The following PCDH11Y variants were observed in gnomAD, a reference collection of about 807,000 sequenced individuals.
PCDH11Y encodes the protein protocadherin-11 Y-linked.
For synonymous variants in PCDH11Y, 9 were observed against 83.6 expected, an observed-to-expected ratio of 0.11 and a Z score of 4.87; for missense variants, 12 against 224.8, an observed-to-expected ratio of 0.05 and a Z score of 6.05.
intron 2 of PCDH11Y, among the ~76,000 whole-genome samples, chrY:5,456,040 G>C: frequency 3.0e-5 from 1 of 33,601 alleles, no homozygotes; most frequent in South Asian, 6.6e-4. Context: ...TAGAATGGGA[G>C]AAAATATTCA....
intron 4 of PCDH11Y, among the ~76,000 whole-genome samples, chrY:5,669,276 T>C: frequency 3.1e-5 from 1 of 32,420 alleles, no homozygotes; most frequent in Admixed American, 2.9e-4. Context: ...TCTTCCTATC[T>C]AGTTGTAATT....
At chrY:5,021,698 A>G in intron 1 of PCDH11Y, among the ~76,000 whole-genome samples, 5 of 32,156 alleles carry the variant, frequency 1.6e-4, no homozygotes, top group Non-Finnish European at 3.0e-4. Context: ...TCTGTTTTCT[A>G]CTTCCATTCT....
intron 1 of PCDH11Y, among the ~76,000 whole-genome samples, chrY:5,078,303 A>T: frequency 3.0e-5 from 1 of 33,098 alleles, no homozygotes; most frequent in African/African-American, 1.2e-4. Flanking sequence ...CATCTTTGCT[A>T]TTGTGAATAG....
intron 2 of PCDH11Y, among the ~76,000 whole-genome samples, chrY:5,416,707 A>G: frequency 3.2e-5 from 1 of 31,725 alleles, no homozygotes; most frequent in South Asian, 7.3e-4. Flanking sequence ...ATGCTCTAAG[A>G]TCATTTTCTG....
At chrY:5,418,850 T>A in intron 2 of PCDH11Y, among the ~76,000 whole-genome samples, 1 of 33,266 alleles carries the variant, frequency 3.0e-5, no homozygotes, top group African/African-American at 1.2e-4. Context: ...AGTCTTAGGA[T>A]AATATATTGT....
intron 2 of PCDH11Y, among the ~76,000 whole-genome samples, chrY:5,433,250 A>G: frequency 3.0e-5 from 1 of 33,602 alleles, no homozygotes; most frequent in Non-Finnish European, 7.4e-5. Flanking sequence ...TCACTATCAA[A>G]ATGTTTTGTG....
intron 2 of PCDH11Y, among the ~76,000 whole-genome samples, chrY:5,211,968 T>A (rs1372232340): frequency 6.0e-5 from 2 of 33,482 alleles, no homozygotes. Flanking sequence ...TCAAATAACA[T>A]TAAATTGGGT....
intron 3 of PCDH11Y, among the ~76,000 whole-genome samples, chrY:5,559,511 C>G: frequency 3.1e-5 from 1 of 32,591 alleles, no homozygotes; most frequent in Non-Finnish European, 7.5e-5. Context: ...GTGTCCCAAC[C>G]CAAATCTCAT....
rs1602911520 is a variant in PCDH11Y, at chrY:5,361,843, T to C, written c.3130-139214T>C. Among the ~76,000 whole-genome samples the C allele has an allele frequency of 8.8e-4, 29 of 32,986 alleles. No individual in the cohort carries two copies. In the East Asian group the frequency reaches 0.023, roughly 26 times the overall value. 88.5% of individuals were successfully genotyped at this position (32,986 alleles called of 37,273 possible). ...TATTATAAAATAAACTTGGTTGATT[T>C]CTGTTAACCTATAGAATAATGGAAA... is the stretch of plus-strand genomic sequence containing the variant. On this transcript the variant is annotated intron_variant, in intron 2 of 4. Coordinates refer to the PCDH11Y transcript ENST00000400457.
At chrY:5,252,015 A>G (rs2053004759) in intron 2 of PCDH11Y, among the ~76,000 whole-genome samples, 1 of 32,398 alleles carries the variant, frequency 3.1e-5, no homozygotes, top group Admixed American at 2.9e-4. Flanking sequence ...AGGATAGGAC[A>G]TATGCAGAAC....
chrY:5,554,570 C>A (rs2053421913), intron 3 of PCDH11Y, among the ~76,000 whole-genome samples: 1 of 33,287 alleles, frequency 3.0e-5, no homozygotes, highest in Admixed American at 2.7e-4. Context: ...GGGCCAGGCC[C>A]AGGGTTCCCA....
chrY:5,414,706 C>T, intron 2 of PCDH11Y, among the ~76,000 whole-genome samples: 6 of 33,122 alleles, frequency 1.8e-4, no homozygotes, highest in African/African-American at 5.9e-4. Flanking sequence ...GATTTTTCTT[C>T]AATCCTTTCC....
intron 4 of PCDH11Y, among the ~76,000 whole-genome samples, chrY:5,674,241 C>T (rs2053551877): frequency 1.1e-3 from 38 of 33,456 alleles, no homozygotes; most frequent in South Asian, 9.1e-3. Flanking sequence ...AGCAGGGTTT[C>T]GCGATGTGTA....
chrY:5,328,220 G>A, intron 2 of PCDH11Y, among the ~76,000 whole-genome samples: 6 of 33,860 alleles, frequency 1.8e-4, no homozygotes, highest in African/African-American at 7.0e-4. Context: ...CCTTGGCCCA[G>A]TGGCCAGATT....
chrY:5,487,238 C>T (rs1388554536), intron 2 of PCDH11Y, among the ~76,000 whole-genome samples: 2 of 30,352 alleles, frequency 6.6e-5, no homozygotes, highest in African/African-American at 2.6e-4. Context: ...CTTGCTCTGT[C>T]GCCCAGGCTG....
At chrY:5,385,434 A>G (rs2053212810) in intron 2 of PCDH11Y, among the ~76,000 whole-genome samples, 1 of 30,991 alleles carries the variant, frequency 3.2e-5, no homozygotes, top group African/African-American at 1.3e-4. Context: ...ACTTAGAATC[A>G]TAGTCTCCGA....
intron 3 of PCDH11Y, among the ~76,000 whole-genome samples, chrY:5,521,761 C>A (rs2053381288): frequency 3.1e-5 from 1 of 32,362 alleles, no homozygotes; most frequent in East Asian, 8.1e-4. Context: ...GGGGAAGAAA[C>A]ACCACAAATG....
At chrY:5,490,378 G>A in intron 2 of PCDH11Y, among the ~76,000 whole-genome samples, 1 of 34,073 alleles carries the variant, frequency 2.9e-5, no homozygotes, top group African/African-American at 1.1e-4. Context: ...CTGCCCTCAT[G>A]ACCTAAGCAC....
intron 2 of PCDH11Y, among the ~76,000 whole-genome samples, chrY:5,500,479 C>A (rs2053351586): frequency 3.0e-5 from 1 of 33,108 alleles, no homozygotes; most frequent in Non-Finnish European, 7.4e-5. Context: ...TAACTGTTAT[C>A]CATATTATGT....
Sources: allele counts gnomAD v4.1 joint callset (sites outside exome capture counted in the v4.1 genomes callset), GRCh38; gene constraint gnomAD v4.1.1; transcripts MANE v1.5; gene names NCBI Gene and HGNC (gene_info 2026-07-23, HGNC 2026-07-21).